Variants in NLRC4 observed in about 807,000 individuals in gnomAD.
NLRC4 encodes NLR family CARD domain containing 4, also known as NLR family CARD domain-containing protein 4.
A neutral mutation model predicts 79.9 loss-of-function variants in NLRC4; 63 were observed. That is an observed-to-expected ratio of 0.79 (90% CI 0.64 to 0.97). The LOEUF (loss-of-function observed/expected upper bound fraction) is 0.97. Among genes scored for constraint, NLRC4 ranks in the 50% least tolerant of loss-of-function variants. The probability of loss-of-function intolerance (pLI) is 0.00; values close to 1 mark genes in which losing one functional copy is unlikely to be tolerated. For synonymous variants in NLRC4, 461 were observed against 456.5 expected (o/e 1.01, Z -0.12); for missense variants, 1,074 against 1,215.2 (o/e 0.88, Z 1.73).
In NLRC4 at chr2:32,251,027, A is replaced by G. The variant is rs772778654; in HGVS notation, c.837T>C (p.Thr279=). ...GTATGTGCCTCAGGCACTCAGTGGT[A>G]GTGGTGACGATGACCATGTTCTTGA... ...HRFKNMVIVT[T]TTECLRHIRQ... The change falls in exon 4 of 9, where the codon ACT becomes ACC. Residue 279 remains threonine (T), a synonymous_variant. Coordinates refer to ENST00000402280, the MANE Select transcript of NLRC4 (RefSeq NM_001199138.2). 67 of 1,614,052 alleles carry G rather than the reference A, an allele frequency of 4.2e-5. No homozygotes were observed. The highest frequency in any genetic ancestry group is 5.4e-5 in the Non-Finnish European group (64 of 1,180,036).
intron 2 of NLRC4, among the ~76,000 whole-genome samples, chr2:32,255,846 C>A (rs1171665510): frequency 6.6e-6 from 1 of 151,854 alleles, no homozygotes; most frequent in Non-Finnish European, 1.5e-5. Context: ...AACCTCGTCT[C>A]TACTAAAAAT....
Position 32,249,765 on chromosome 2 carries a change from A to C in NLRC4, c.2099T>G (p.Val700Gly), listed in dbSNP as rs1687022501. Reference sequence around the variant, plus strand: ...GAGGACCAAACTGAGGCTTCCAGCCACACCAGCACATCTCTTTATTTGCAG... The same window carrying C: ...GAGGACCAAACTGAGGCTTCCAGCCCCACCAGCACATCTCTTTATTTGCAG... ...LRLQIKRCAG[V>G]AGSLSLVLST... Residue 700 changes from valine (V) to glycine (G), a missense_variant, in exon 4 of 9, where the codon GTG (valine) becomes GGG (glycine). Physicochemically the swap from Val to Gly is moderately radical, Grantham distance 109. Transcript: ENST00000402280. 6.2e-7 allele frequency: 1 copy of C among 1,614,248 alleles called. No homozygotes were observed. Among genetic ancestry groups the C allele is most frequent in the African/African-American group, 1.3e-5 (1 of 75,072 alleles).
At chr2:32,231,573 G>GCA (rs560410569) in intron 8 of NLRC4, among the ~76,000 whole-genome samples, 2 of 28,054 alleles carry the variant, frequency 7.1e-5, no homozygotes, top group African/African-American at 1.0e-4. Flanking sequence ...ATTTTTTTTT[G>GCA]TGGGGGGGGG....
intron 4 of NLRC4, among the ~76,000 whole-genome samples, chr2:32,243,655 C>T (rs1686858298): frequency 6.6e-6 from 1 of 150,586 alleles, no homozygotes; most frequent in South Asian, 2.1e-4. Context: ...CAAAAATTAG[C>T]TGGGCGTGGT....
At chr2:32,244,393 T>C (rs1432532336) in intron 4 of NLRC4, among the ~76,000 whole-genome samples, 5 of 152,028 alleles carry the variant, frequency 3.3e-5, no homozygotes, top group Admixed American at 3.3e-4. Flanking sequence ...CTCAGCAACT[T>C]GATAAAAGAC....
intron 8 of NLRC4, among the ~76,000 whole-genome samples, chr2:32,228,376 C>T (rs951942594): frequency 2.0e-5 from 3 of 152,114 alleles, no homozygotes; most frequent in African/African-American, 7.2e-5. Flanking sequence ...TGCCCAATCA[C>T]CCCCTAGTGG....
At chr2:32,233,054 G>A (rs538578125) in intron 8 of NLRC4, among the ~76,000 whole-genome samples, 22 of 148,638 alleles carry the variant, frequency 1.5e-4, no homozygotes, top group Middle Eastern at 6.8e-3. Flanking sequence ...CAAGGTTAGT[G>A]AGCTGTGATC....
At chr2:32,226,529 A>G (rs1208801548) in intron 8 of NLRC4, among the ~76,000 whole-genome samples, 1 of 152,230 alleles carries the variant, frequency 6.6e-6, no homozygotes, top group Non-Finnish European at 1.5e-5. Flanking sequence ...TCTCTTACCC[A>G]TGGTCAGTGT....
intron 8 of NLRC4, among the ~76,000 whole-genome samples, chr2:32,230,086 C>T (rs949458242): frequency 1.3e-5 from 2 of 151,946 alleles, no homozygotes; most frequent in Non-Finnish European, 2.9e-5. Flanking sequence ...AAATGATGTC[C>T]CTGAACTGGA....
intron 8 of NLRC4, among the ~76,000 whole-genome samples, chr2:32,226,604 G>C (rs899731290): frequency 6.6e-6 from 1 of 152,186 alleles, no homozygotes; most frequent in African/African-American, 2.4e-5. Flanking sequence ...ACAGAGGCCG[G>C]GTGCGGTGGC....
At position 32,250,479 on chromosome 2, in the gene NLRC4, T is replaced by C; in HGVS notation, c.1385A>G (p.His462Arg). The change falls in exon 4 of 9, where the codon CAT (histidine) becomes CGT (arginine). Residue 462 changes from histidine (H) to arginine (R), a missense_variant. His to Arg is a conservative substitution (Grantham distance 29, BLOSUM62 0). Transcript: ENST00000402280. This position sits in a 1 kb window ranked among gnomAD's most constrained non-coding sequence, Gnocchi z 4.9. ...GRRLSSLLTSHEPEEVTKGNG... is the reference protein window; with the variant it reads ...GRRLSSLLTSREPEEVTKGNG... ...CCCCTTGGTCACCTCCTCTGGCTCA[T>C]GAGACGTCAATAAACTGCTGAGTCT... 6.2e-7 allele frequency: 1 copy of C among 1,614,126 alleles called. No individual in the cohort carries two copies. The highest frequency in any genetic ancestry group is 2.2e-5 in the East Asian group (1 of 44,882).
chr2:32,252,082 C>G (rs918515410), intron 3 of NLRC4, among the ~76,000 whole-genome samples: 6 of 152,216 alleles, frequency 3.9e-5, no homozygotes, highest in Non-Finnish European at 7.3e-5. Flanking sequence ...AGCTGGGCCT[C>G]TCTCCCATAG....
chr2:32,238,936 ATTAAAATACTGTC>A (rs1484647869), intron 5 of NLRC4, among the ~76,000 whole-genome samples: 1 of 152,206 alleles, frequency 6.6e-6, no homozygotes, highest in Non-Finnish European at 1.5e-5. Flanking sequence ...ACTTTGTGTC[ATTAAAATACTGTC>A]TTATCTTGAT....
chr2:32,261,602 G>A (rs1446010682), intron 1 of NLRC4, among the ~76,000 whole-genome samples: 1 of 150,722 alleles, frequency 6.6e-6, no homozygotes, highest in Non-Finnish European at 1.5e-5. Context: ...GAGCCACCAT[G>A]CCCGGCCTAA....
intron 2 of NLRC4, among the ~76,000 whole-genome samples, chr2:32,253,073 G>A (rs1024497652): frequency 6.6e-6 from 1 of 152,150 alleles, no homozygotes; most frequent in Non-Finnish European, 1.5e-5. Context: ...TTAGGGCCAT[G>A]CATTTTTTTC....
In NLRC4 at chr2:32,256,789, AG is replaced by A. The variant is rs771778750; in HGVS notation, c.-15del. On this transcript the variant is annotated 5_prime_UTR_variant, in exon 2 of 9. Coordinates refer to ENST00000402280, the MANE Select transcript of NLRC4 (RefSeq NM_001199138.2). ...CATATACTTACTTGTTCTGGATGAA[AG>A]CTTCCCACCTTTCTATAACACAATA... The A allele has an allele frequency of 1.2e-5, 9 of 781,020 alleles. No individual in the cohort carries two copies. In the South Asian group the frequency reaches 1.2e-4, roughly 10 times the overall value. 48.4% of individuals were successfully genotyped at this position (781,020 alleles called of 1,614,324 possible). A position where few individuals can be genotyped will look rare whatever the true frequency, so the allele number is the denominator to read the frequency against.
chr2:32,229,564 A>G (rs1686483666), intron 8 of NLRC4, among the ~76,000 whole-genome samples: 1 of 152,226 alleles, frequency 6.6e-6, no homozygotes, highest in South Asian at 2.1e-4. Flanking sequence ...AAGAAACAAA[A>G]TTTTGGGAGT....
rs1573494931 is a variant in NLRC4 at position 32,251,315 on chromosome 2, G to A, written c.549C>T (p.Ala183=). 9.9e-6 allele frequency: 16 copies of A among 1,614,018 alleles called. No homozygotes were observed. Among genetic ancestry groups the A allele is most frequent in the Non-Finnish European group, 1.2e-5 (14 of 1,180,038 alleles). ...TGCACTTTCCGGAGCCCCAGAGCAT[G>A]GCAATTCGCTGCAGCAGAGTGGACT... ...KGKSTLLQRI[A]MLWGSGKCKA... Residue 183 remains alanine (A), a synonymous_variant, in exon 4 of 9, where the codon GCC becomes GCT. Transcript: ENST00000402280.
At chr2:32,259,487 T>G (rs1487841068) in intron 1 of NLRC4, among the ~76,000 whole-genome samples, 1 of 151,918 alleles carries the variant, frequency 6.6e-6, no homozygotes. Context: ...TCTATTTTAC[T>G]TATTTTCTTG....
Sources: gnomAD v4.1 joint callset for allele counts (sites outside exome capture counted in the v4.1 genomes callset) on GRCh38, gnomAD v4.1.1 for gene constraint, Gnocchi (gnomAD v3.1) non-coding constraint, MANE v1.5 for transcripts, NCBI Gene and HGNC (gene_info 2026-07-23, HGNC 2026-07-21) for gene names.